Variants in SBF1 observed in about 807,000 individuals in gnomAD.
SBF1 encodes SET binding factor 1.
SBF1 carries 65 observed loss-of-function variants against 215.8 expected under a neutral mutation model. The ratio of observed to expected loss-of-function variants is 0.30; its 90% CI spans 0.25 to 0.37. The LOEUF (loss-of-function observed/expected upper bound fraction) is 0.37. Among genes scored for constraint, SBF1 ranks in the 10% least tolerant of loss-of-function variants. The pLI is 1.00. For synonymous variants in SBF1, 1,410 were observed against 1,122.8 expected (o/e 1.26, Z -5.11); for missense variants, 2,634 against 2,667.8 (o/e 0.99, Z 0.28).
intron 36 of SBF1, among the ~76,000 whole-genome samples, chr22:50,452,159 AAG>A (rs2067072475): frequency 6.6e-6 from 1 of 151,586 alleles, no homozygotes; most frequent in African/African-American, 2.4e-5. Flanking sequence ...AAAAAAAAAA[AAG>A]AAGCAGCTGT....
Position 50,446,896 on chromosome 22 carries a change from A to C in SBF1, c.*246T>G, listed in dbSNP as rs569189497. 2.7e-6 allele frequency: 2 copies of C among 740,440 alleles called. No homozygotes were observed. The highest frequency in any genetic ancestry group is 5.0e-5 in the East Asian group (2 of 40,014). 45.9% of individuals were successfully genotyped at this position (740,440 alleles called of 1,614,324 possible). ...CAGCACACGCTGACGGGGCCGGACT[A>C]TTTACAGGCCCATTGCGGGCTGTAC... On this transcript the variant is annotated 3_prime_UTR_variant, in exon 41 of 41. Coordinates refer to ENST00000380817, the MANE Select transcript of SBF1 (RefSeq NM_002972.4).
chr22:50,461,623 C>G lies in SBF1; in HGVS notation c.2739G>C (p.Ala913=), dbSNP rs137999607. ...ATGCTGGTCCCCCAGCACTGCCCCCCGCGCCCTCCTCACGCCCATCCGGCA... is the reference window on the plus strand; with the variant it reads ...ATGCTGGTCCCCCAGCACTGCCCCCGGCGCCCTCCTCACGCCCATCCGGCA... ...YLLPDGREEG[A]GGSAGGPALL... Residue 913 remains alanine (A), a synonymous_variant, in exon 22 of 41, where the codon GCG becomes GCC. Transcript: ENST00000380817. 3.7e-6 allele frequency: 6 copies of G among 1,611,564 alleles called. No homozygotes were observed. Among genetic ancestry groups the G allele is most frequent in the Non-Finnish European group, 4.2e-6 (5 of 1,179,764 alleles).
At chr22:50,457,795 A>G (rs2067314840) in intron 28 of SBF1, among the ~76,000 whole-genome samples, 1 of 152,220 alleles carries the variant, frequency 6.6e-6, no homozygotes, top group South Asian at 2.1e-4. Flanking sequence ...GGCCCTGCCC[A>G]GGCTCACCTG....
chr22:50,464,067 A>G (rs1285406901), intron 15 of SBF1, among the ~76,000 whole-genome samples: 3 of 152,246 alleles, frequency 2.0e-5, no homozygotes, highest in Non-Finnish European at 2.9e-5. Flanking sequence ...CAGACGAAAC[A>G]TAATAGTGAA....
In SBF1 at chr22:50,455,559, A is replaced by T. The variant is rs2067214082; in HGVS notation, c.4290T>A (p.Ser1430=). 6.3e-7 allele frequency: 1 copy of T among 1,587,680 alleles called. No homozygotes were observed. Among genetic ancestry groups the T allele is most frequent in the Non-Finnish European group, 8.6e-7 (1 of 1,167,186 alleles). Residue 1430 remains serine (S), a synonymous_variant, in exon 32 of 41, where the codon TCT becomes TCA. Coordinates refer to ENST00000380817, the MANE Select transcript of SBF1 (RefSeq NM_002972.4). ...AATCCAGGAGCTCCACCACCAGCAC[A>T]GACACCTGCAGCAGCTTGTGGATCT... The part of the protein sequence containing the change: ...LIQIHKLLQV[S]VLVVELLDSG...
chr22:50,469,511 G>A (rs2067918937), intron 1 of SBF1, among the ~76,000 whole-genome samples: 1 of 152,242 alleles, frequency 6.6e-6, no homozygotes, highest in Non-Finnish European at 1.5e-5. Flanking sequence ...GACACTCAGG[G>A]TGTGGCTCCC....
intron 31 of SBF1, chr22:50,455,848 C>T: frequency 1.7e-6 from 1 of 574,912 alleles, no homozygotes; most frequent in Non-Finnish European, 3.1e-6. Flanking sequence ...ATGCCGGTGG[C>T]CCTACCTTCA....
chr22:50,455,298 C>T lies in SBF1; in HGVS notation c.4480G>A (p.Gly1494Arg). 1 of 1,613,500 alleles carries T rather than the reference C, an allele frequency of 6.2e-7. No individual in the cohort carries two copies. Among genetic ancestry groups the T allele is most frequent in the South Asian group, 1.1e-5 (1 of 91,090 alleles). ...LSFGHRFSHR[G>R]AHTLAGQSSG... ...CTCTGCCCGGCCAGGGTGTGAGCTC[C>T]ACGGTGGCTGAAGCGATGGCCGAAG... The change falls in exon 33 of 41, where the codon GGA becomes AGA. Residue 1494 changes from glycine (G) to arginine (R), a missense_variant. Coordinates refer to ENST00000380817, the MANE Select transcript of SBF1 (RefSeq NM_002972.4).
At chr22:50,473,012 G>A (rs1450943911) in intron 1 of SBF1, among the ~76,000 whole-genome samples, 1 of 152,178 alleles carries the variant, frequency 6.6e-6, no homozygotes. Flanking sequence ...ACCCTGTCCT[G>A]CGCAAAGGAC....
At position 50,455,365 on chromosome 22, in the gene SBF1, C is replaced by T. The variant is rs17781316; in HGVS notation, c.4413G>A (p.Thr1471=). ...CCACCAGCAGGCGAAAGCCCTCCAG[C>T]GTGCGGTAGAAGGGGTCTGAGAGCA... is the stretch of plus-strand genomic sequence containing the variant. ...VQLLSDPFYR[T]LEGFRLLVEK... The change falls in exon 33 of 41, where the codon ACG becomes ACA. Residue 1471 remains threonine (T), a synonymous_variant. Transcript: ENST00000380817. 11 of 1,613,240 alleles carry T rather than the reference C, an allele frequency of 6.8e-6. No homozygotes were observed. The highest frequency in any genetic ancestry group is 2.7e-5 in the African/African-American group (2 of 74,910).
Position 50,467,189 on chromosome 22 carries a change from A to C in SBF1, c.549+149T>G, listed in dbSNP as rs1022478271. The C allele has an allele frequency of 2.0e-5, 13 of 657,926 alleles. No individual in the cohort carries two copies. The African/African-American group carries it at 2.2e-4, about 11-fold the overall frequency. The allele number at this position is 657,926 out of a possible 1,614,324, so 40.8% of individuals were successfully genotyped here. On this transcript the variant is annotated intron_variant, in intron 5 of 40. Transcript: ENST00000380817. ...GCGAGGGCCAGGTAAGCAGGCCAGGACTGTTGGGGGCAATGGTGGCACGAG... is the reference window on the plus strand; with the variant it reads ...GCGAGGGCCAGGTAAGCAGGCCAGGCCTGTTGGGGGCAATGGTGGCACGAG...
At position 50,466,342 on chromosome 22, in the gene SBF1, G is replaced by A; in HGVS notation, c.788+8C>T. On this transcript the variant is annotated splice_region_variant and intron_variant, in intron 7 of 40. Coordinates refer to ENST00000380817, the MANE Select transcript of SBF1 (RefSeq NM_002972.4). ...GAGAAGGGGCTGGGAGGGCCGGGCAGGGGTCACCTGTATCTGAGAGGAAAC... is the reference window on the plus strand; with the variant it reads ...GAGAAGGGGCTGGGAGGGCCGGGCAAGGGTCACCTGTATCTGAGAGGAAAC... 6.3e-7 allele frequency: 1 copy of A among 1,581,086 alleles called. No individual in the cohort carries two copies. The highest frequency in any genetic ancestry group is 1.1e-5 in the South Asian group (1 of 87,618).
chr22:50,447,951 T>C (rs2066898900), intron 38 of SBF1, among the ~76,000 whole-genome samples: 1 of 152,140 alleles, frequency 6.6e-6, no homozygotes, highest in African/African-American at 2.4e-5. Flanking sequence ...GCCAGGCAGG[T>C]AGATCTGTAG....
At position 50,457,083 on chromosome 22, in the gene SBF1, C is replaced by T. The variant is rs770879316; in HGVS notation, c.3855G>A (p.Thr1285=). ...CCGAGGCCGCCATGGGGTTGGACAG[C>T]GTGGTGACCCTGGCTCTGGGGCTGG... is the stretch of plus-strand genomic sequence containing the variant. ...HVPSPRARVT[T]LSNPMAASAS... The change falls in exon 29 of 41, where the codon ACG becomes ACA. Residue 1285 remains threonine (T), a synonymous_variant. Transcript: ENST00000380817. The T allele has an allele frequency of 2.7e-6, 4 of 1,487,644 alleles. No individual in the cohort carries two copies. Among genetic ancestry groups the T allele is most frequent in the East Asian group, 5.5e-5 (2 of 36,610 alleles). 92.2% of individuals were successfully genotyped at this position (1,487,644 alleles called of 1,614,324 possible).
chr22:50,462,171 C>A (rs757543079), intron 19 of SBF1, 34 bp downstream of exon 19: 1 of 1,607,278 alleles, frequency 6.2e-7, no homozygotes. Context: ...ACGGCCCCGC[C>A]TCCACTGGGC....
In SBF1 at chr22:50,455,620, C is replaced by T. The variant is rs749477120; in HGVS notation, c.4267-38G>A. 73 of 1,516,806 alleles carry T rather than the reference C, an allele frequency of 4.8e-5. No homozygotes were observed. In the East Asian group the frequency reaches 6.1e-4, roughly 13 times the overall value. 94.0% of individuals were successfully genotyped at this position (1,516,806 alleles called of 1,614,324 possible). ...GCGGCCTCAGCACCTCGGGGACCCA[C>T]CGCCCTCCCGCCTGGCCACTCACCA... On this transcript the variant is annotated intron_variant, in intron 31 of 40. Transcript: ENST00000380817.
intron 1 of SBF1, among the ~76,000 whole-genome samples, chr22:50,470,723 G>A (rs940060430): frequency 9.2e-5 from 14 of 152,216 alleles, no homozygotes; most frequent in African/African-American, 2.4e-4. Flanking sequence ...AGGGCTTGTA[G>A]AACACGTACA....
intron 29 of SBF1, 53 bp from the exon 30 acceptor site, chr22:50,456,726 C>G (rs1262794482): frequency 2.1e-6 from 3 of 1,400,650 alleles, no homozygotes; most frequent in Non-Finnish European, 2.8e-6. Flanking sequence ...CACCACTTAC[C>G]TGGGGCTGGC....
Position 50,474,931 on chromosome 22 carries a change from T to A in SBF1, c.-91A>T. The A allele has an allele frequency of 1.1e-6, 1 of 949,898 alleles. No individual in the cohort carries two copies. Among genetic ancestry groups the A allele is most frequent in the Non-Finnish European group, 1.4e-6 (1 of 730,702 alleles). The allele number at this position is 949,898 out of a possible 1,614,324, so 58.8% of individuals were successfully genotyped here. On this transcript the variant is annotated 5_prime_UTR_variant, in exon 1 of 41. Coordinates refer to ENST00000380817, the MANE Select transcript of SBF1 (RefSeq NM_002972.4). ...CGCGCTCATGGCCCGGCCCCGGCCC[T>A]GGACCGCGCACCCCGGACACCCCTG... is the stretch of plus-strand genomic sequence containing the variant.
Sources: allele counts gnomAD v4.1 joint callset (sites outside exome capture counted in the v4.1 genomes callset), GRCh38; gene constraint gnomAD v4.1.1; transcripts MANE v1.5; gene names NCBI Gene and HGNC (gene_info 2026-07-23, HGNC 2026-07-21).